The following ABCC9 variants were observed in gnomAD, a reference collection of about 807,000 sequenced individuals.
The protein encoded by ABCC9 is ATP binding cassette subfamily C member 9.
A neutral mutation model predicts 188.3 loss-of-function variants in ABCC9; 95 were observed. The observed-to-expected ratio is 0.50, with a 90% CI of 0.43 to 0.60. The LOEUF (loss-of-function observed/expected upper bound fraction) is 0.60, where lower values mean the gene tolerates loss of function less well. Among genes scored for constraint, ABCC9 ranks in the 20% least tolerant of loss-of-function variants. The probability of loss-of-function intolerance (pLI) is 0.00; values close to 1 mark genes in which losing one functional copy is unlikely to be tolerated. For synonymous variants in ABCC9, 659 were observed against 652.7 expected (o/e 1.01, Z -0.15); for missense variants, 1,102 against 1,876.3 (o/e 0.59, Z 7.62).
At chr12:21,878,418 G>A (rs1376293627) in intron 16 of ABCC9, among the ~76,000 whole-genome samples, 1 of 152,116 alleles carries the variant, frequency 6.6e-6, no homozygotes, top group Admixed American at 6.6e-5. Flanking sequence ...TTCTACACAT[G>A]TATAACCAGG....
intron 18 of ABCC9, among the ~76,000 whole-genome samples, chr12:21,865,582 A>T (rs1945736506): frequency 6.6e-6 from 1 of 152,160 alleles, no homozygotes; most frequent in African/African-American, 2.4e-5. Context: ...GAAGACAGGG[A>T]AGAGAGAAGA....
At chr12:21,874,733 A>G (rs569900586) in intron 17 of ABCC9, among the ~76,000 whole-genome samples, 1 of 152,350 alleles carries the variant, frequency 6.6e-6, no homozygotes, top group Admixed American at 6.5e-5. Context: ...CCTAGAGGAC[A>G]TCACAGAAGG....
Position 21,861,230 on chromosome 12 carries a change from C to CATTTTTT in ABCC9, c.2340-176_2340-175insAAAAAAT, listed in dbSNP as rs1350257236. Reference sequence around the variant, plus strand: ...AGATACATAAGTACTACTTCCCCCCCCTTTTTTTTTTTTTTTTGAAGACAG... The same window carrying CATTTTTT: ...AGATACATAAGTACTACTTCCCCCCCATTTTTTCTTTTTTTTTTTTTTTTGAAGACAG... On this transcript the variant is annotated intron_variant, in intron 20 of 39. Transcript: ENST00000261200. Among the ~76,000 whole-genome samples, 3 of 146,670 alleles carry CATTTTTT rather than the reference C, an allele frequency of 2.0e-5. 1 individual carries two copies. Among genetic ancestry groups the CATTTTTT allele is most frequent in the African/African-American group, 5.1e-5 (2 of 39,470 alleles).
In ABCC9 at chr12:21,917,098, A is replaced by G. The variant is rs1391366926; in HGVS notation, c.412T>C (p.Phe138Leu). 1 of 1,613,626 alleles carries G rather than the reference A, an allele frequency of 6.2e-7. No homozygotes were observed. The highest frequency in any genetic ancestry group is 1.7e-5 in the Admixed American group (1 of 59,990). ...SNFPKLLLAL[F>L]LYWVMAFITK... ...ATAAAGGCCATTACCCAATACAGGA[A>G]CAGGGCTGAAAAGAAAAAGACAAAA... The change falls in exon 6 of 40, where the codon TTC becomes CTC. Residue 138 changes from phenylalanine to leucine, a missense_variant. Phe to Leu is a conservative substitution (Grantham distance 22). Around this residue, in one of 12 missense-constraint regions of ABCC9, gnomAD observed 305 missense variants for 573.0 expected, o/e 0.53. Transcript: ENST00000261200.
At chr12:21,830,974 T>TTATCTATC (rs3983520) in intron 30 of ABCC9, 67,593 of 147,226 alleles carry the variant, frequency 0.46, 15,760 homozygotes, top group Middle Eastern at 0.52. Context: ...ACCATAAAGA[T>TTATCTATC]TATCTATCTA....
At chr12:21,863,272 C>T (rs2137522295) in intron 19 of ABCC9, among the ~76,000 whole-genome samples, 1 of 91,522 alleles carries the variant, frequency 1.1e-5, no homozygotes, top group East Asian at 3.0e-4. Context: ...ATCAAAATGT[C>T]ACATGTATAA....
chr12:21,846,096 G>GA (rs1300613155), intron 25 of ABCC9, among the ~76,000 whole-genome samples: 6 of 152,270 alleles, frequency 3.9e-5, no homozygotes, highest in Non-Finnish European at 8.8e-5. Flanking sequence ...AAATTGACTG[G>GA]AAGAAACTTA....
In ABCC9 at chr12:21,941,420, C is replaced by T. The variant is rs1949677897; in HGVS notation, c.-357G>A. On this transcript the variant is annotated 5_prime_UTR_variant, in exon 1 of 40. Coordinates refer to ENST00000261200, the MANE Select transcript of ABCC9 (RefSeq NM_020297.4). This position sits in a 1 kb window ranked among gnomAD's most constrained non-coding sequence, Gnocchi z 5.4. ...CCTTCCCCATCCCTGCTCTGCTCAG[C>T]TTTGACTTGGGGCGGGCGCGACGCC... 6.6e-6 allele frequency: 1 copy of T among 152,306 alleles called. No homozygotes were observed. The highest frequency in any genetic ancestry group is 6.5e-5 in the Admixed American group (1 of 15,294). 9.4% of individuals were successfully genotyped at this position (152,306 alleles called of 1,614,324 possible).
At position 21,910,979 on chromosome 12, in the gene ABCC9, C is replaced by G. The variant is rs878854781; in HGVS notation, c.1012-1G>C. The G allele has an allele frequency of 6.8e-6, 11 of 1,611,824 alleles. No homozygotes were observed. Among genetic ancestry groups the G allele is most frequent in the Non-Finnish European group, 9.3e-6 (11 of 1,178,388 alleles). ...CCTTTGATGAGAGGGTTTCTGAAAT[C>G]TGGTCCCCAAAGAAAAAAAGTGTCA... On this transcript the variant is annotated splice_acceptor_variant, in intron 8 of 39. Coordinates refer to ENST00000261200, the MANE Select transcript of ABCC9 (RefSeq NM_020297.4). LOFTEE classifies it high-confidence loss of function.
chr12:21,922,668 G>T (rs1290931892), intron 5 of ABCC9, among the ~76,000 whole-genome samples: 6 of 151,018 alleles, frequency 4.0e-5, no homozygotes, highest in African/African-American at 1.5e-4. Context: ...AAACCCAATA[G>T]TGTGAAGATG....
chr12:21,864,383 A>G, intron 19 of ABCC9, 56 bp downstream of exon 19: 1 of 1,229,246 alleles, frequency 8.1e-7, no homozygotes, highest in Admixed American at 1.7e-5. Context: ...TAAAGAGATT[A>G]AAGTCTGAGG....
rs748996561 is a variant in ABCC9 at position 21,859,626 on chromosome 12, A to G, written c.2465T>C (p.Val822Ala). The G allele has an allele frequency of 6.2e-7, 1 of 1,613,838 alleles. No homozygotes were observed. The highest frequency in any genetic ancestry group is 8.5e-7 in the Non-Finnish European group (1 of 1,179,880). Residue 822 changes from valine to alanine, a missense_variant, in exon 22 of 40, where the codon GTG becomes GCG. Val to Ala is a moderately conservative substitution (Grantham distance 64). Transcript: ENST00000261200. The stretch of plus-strand genomic sequence containing the variant: ...GGTGTTTTGATACAGCGCTCGTGCC[A>G]CACAGATTCTCTGCCTCTGTCCCCC... ...LSGGQRQRIC[V>A]ARALYQNTNI...
intron 4 of ABCC9, among the ~76,000 whole-genome samples, chr12:21,928,022 C>T (rs912108766): frequency 6.6e-6 from 1 of 152,014 alleles, no homozygotes; most frequent in African/African-American, 2.4e-5. Flanking sequence ...GAGTTTGAAA[C>T]CAGCCTGGGC....
intron 18 of ABCC9, among the ~76,000 whole-genome samples, chr12:21,871,388 G>C (rs1055776139): frequency 1.3e-5 from 2 of 152,132 alleles, no homozygotes; most frequent in East Asian, 3.9e-4. Context: ...AGATTTGCTC[G>C]ACAGGGATAA....
chr12:21,807,602 C>G (rs1941947094), intron 37 of ABCC9, 123 bp from the exon 38 acceptor site: 1 of 1,324,384 alleles, frequency 7.6e-7, no homozygotes, highest in African/African-American at 1.5e-5. Context: ...AGTGCTGGTG[C>G]AAGGACTTCA....
chr12:21,937,094 A>G (rs1949518643), intron 2 of ABCC9, among the ~76,000 whole-genome samples: 1 of 152,192 alleles, frequency 6.6e-6, no homozygotes, highest in Non-Finnish European at 1.5e-5. Context: ...TCCCATACTC[A>G]CTGAAAATGT....
At chr12:21,811,715 C>G (rs1486586566) in intron 36 of ABCC9, among the ~76,000 whole-genome samples, 1 of 152,046 alleles carries the variant, frequency 6.6e-6, no homozygotes, top group Non-Finnish European at 1.5e-5. Context: ...GTCAGAATAT[C>G]TGCTGAGGTC....
chr12:21,890,615 A>G (rs1220093468), intron 14 of ABCC9, among the ~76,000 whole-genome samples: 4 of 152,198 alleles, frequency 2.6e-5, no homozygotes, highest in African/African-American at 4.8e-5. Context: ...TGTGGCACAT[A>G]TACACCATGG....
chr12:21,912,958 A>G lies in ABCC9; in HGVS notation c.925T>C (p.Leu309=), dbSNP rs1240616493. Residue 309 remains leucine, a synonymous_variant, in exon 8 of 40, where the codon TTA becomes CTA. Transcript: ENST00000261200. Reference sequence around the variant, plus strand: ...CAAAGAGGTCCAGCAAAACCCAGTAAATCAGCCAGATAGCGGAATGTGCTA... The same window carrying G: ...CAAAGAGGTCCAGCAAAACCCAGTAGATCAGCCAGATAGCGGAATGTGCTA... ...LSSTFRYLAD[L]LGFAGPLCIS... 1 of 1,613,728 alleles carries G rather than the reference A, an allele frequency of 6.2e-7. No homozygotes were observed. The highest frequency in any genetic ancestry group is 1.1e-5 in the South Asian group (1 of 91,074).
Sources: allele counts gnomAD v4.1 joint callset (sites outside exome capture counted in the v4.1 genomes callset), GRCh38; gene constraint gnomAD v4.1.1; regional missense constraint gnomAD v4.1.1; non-coding constraint Gnocchi (gnomAD v3.1); transcripts MANE v1.5; gene names NCBI Gene and HGNC (gene_info 2026-07-23, HGNC 2026-07-21).